The following UBXN2A variants were observed in gnomAD, a reference collection of about 807,000 sequenced individuals.
UBXN2A encodes UBX domain protein 2A.
In UBXN2A, 28 loss-of-function variants were observed where a neutral mutation model predicts 28.4. That is an observed-to-expected ratio of 0.99 (90% CI 0.73 to 1.35). The LOEUF is 1.35. UBXN2A is among the 40% of genes most tolerant of loss of function. The pLI, the probability that UBXN2A is intolerant of heterozygous loss-of-function variation, is 0.00. For synonymous variants in UBXN2A, 97 were observed against 103.6 expected, an observed-to-expected ratio of 0.94 and a Z score of 0.39; for missense variants, 253 against 297.9, an observed-to-expected ratio of 0.85 and a Z score of 1.11.
intron 1 of UBXN2A, among the ~76,000 whole-genome samples, chr2:23,954,333 A>C (rs1706512719): frequency 6.6e-6 from 1 of 152,186 alleles, no homozygotes; most frequent in African/African-American, 2.4e-5. Flanking sequence ...CATCCATGTT[A>C]TAGTATGTAT....
At chr2:23,974,016 A>ATTT (rs71395170) in intron 3 of UBXN2A, among the ~76,000 whole-genome samples, 13,539 of 140,322 alleles carry the variant, frequency 0.096, 758 homozygotes, top group Middle Eastern at 0.17. Flanking sequence ...AAAATGATTA[A>ATTT]TTTTTTTTTT....
At chr2:23,969,805 A>G (rs1707335486) in intron 2 of UBXN2A, among the ~76,000 whole-genome samples, 1 of 152,158 alleles carries the variant, frequency 6.6e-6, no homozygotes, top group African/African-American at 2.4e-5. Flanking sequence ...GGGTGACAGA[A>G]TGAGACTCTG....
chr2:23,961,448 G>A (rs190396126), intron 2 of UBXN2A, among the ~76,000 whole-genome samples: 39 of 150,430 alleles, frequency 2.6e-4, no homozygotes, highest in African/African-American at 8.8e-4. Flanking sequence ...AAATATTGGT[G>A]ATAGTTTATA....
chr2:23,950,427 G>A lies in UBXN2A; in HGVS notation c.-14-7874G>A, dbSNP rs151237927. Among the ~76,000 whole-genome samples, 342 of 151,752 alleles carry A rather than the reference G, an allele frequency of 2.3e-3. 2 individuals carry two copies. The highest frequency in any genetic ancestry group is 7.9e-3 in the African/African-American group (328 of 41,398). Reference sequence around the variant, plus strand: ...TTATTATTATTACTGTTTTTGAGACGGATTCTCGCTCTGTTGTCCACGCTG... The same window carrying A: ...TTATTATTATTACTGTTTTTGAGACAGATTCTCGCTCTGTTGTCCACGCTG... On this transcript the variant is annotated intron_variant, in intron 1 of 6. Coordinates refer to ENST00000309033, the MANE Select transcript of UBXN2A (RefSeq NM_181713.4).
intron 6 of UBXN2A, among the ~76,000 whole-genome samples, chr2:23,995,750 A>G (rs1708506895): frequency 6.6e-6 from 1 of 151,918 alleles, no homozygotes; most frequent in African/African-American, 2.4e-5. Flanking sequence ...TGATGAACCC[A>G]TTGTAAAGTT....
rs760269453 is a variant in UBXN2A, at chr2:23,977,065, A to T, written c.277A>T (p.Ile93Phe). 6.2e-7 allele frequency: 1 copy of T among 1,611,846 alleles called. No homozygotes were observed. Among genetic ancestry groups the T allele is most frequent in the East Asian group, 2.2e-5 (1 of 44,822 alleles). Residue 93 changes from isoleucine (I) to phenylalanine (F), a missense_variant, in exon 4 of 7, where the codon ATC (isoleucine) becomes TTC (phenylalanine). Physicochemically the swap from Ile to Phe is conservative, Grantham distance 21. Transcript: ENST00000309033. The stretch of plus-strand genomic sequence containing the variant: ...TGCCAGTCAGCAGTTTTTGAACTCC[A>T]TCAAAAAGGGGTGAGTAGCCAGGTG... ...DGASQQFLNS[I>F]KKGELPSELQ...
Position 23,971,351 on chromosome 2 carries a change from C to A in UBXN2A, c.117C>A (p.Ser39Arg), listed in dbSNP as rs772402445. ...QQSNCEYFVD[S>R]LFEEAQKVSS... ...CAAATTGTGAATATTTTGTTGATAG[C>A]CTTTTTGAGGAAGCTCAGAAGGTTA... is the stretch of plus-strand genomic sequence containing the variant. The change falls in exon 3 of 7, where the codon AGC (serine) becomes AGA (arginine). Residue 39 changes from serine (S) to arginine (R), a missense_variant. Coordinates refer to ENST00000309033, the MANE Select transcript of UBXN2A (RefSeq NM_181713.4). The A allele has an allele frequency of 1.3e-6, 2 of 1,576,022 alleles. No homozygotes were observed. The highest frequency in any genetic ancestry group is 1.3e-5 in the African/African-American group (1 of 74,644).
At chr2:23,984,981 A>G (rs896310840) in intron 6 of UBXN2A, 150 bp downstream of exon 6, 19 of 742,232 alleles carry the variant, frequency 2.6e-5, no homozygotes, top group Non-Finnish European at 3.9e-6. Context: ...AGCTCACTGC[A>G]GTCTTGAAGT....
chr2:23,971,368 A>G lies in UBXN2A; in HGVS notation c.134A>G (p.Gln45Arg). 2 of 1,577,890 alleles carry G rather than the reference A, an allele frequency of 1.3e-6. No individual in the cohort carries two copies. The highest frequency in any genetic ancestry group is 8.7e-7 in the Non-Finnish European group (1 of 1,153,278). Residue 45 changes from glutamine to arginine, a missense_variant, in exon 3 of 7, where the codon CAG becomes CGG. Transcript: ENST00000309033. Reference sequence around the variant, plus strand: ...GTTGATAGCCTTTTTGAGGAAGCTCAGAAGGTTAGTTCCAAATGTGTGTCT... The same window carrying G: ...GTTGATAGCCTTTTTGAGGAAGCTCGGAAGGTTAGTTCCAAATGTGTGTCT... ...YFVDSLFEEA[Q>R]KVSSKCVSPA...
At chr2:23,993,234 C>G (rs1015092693) in intron 6 of UBXN2A, among the ~76,000 whole-genome samples, 3 of 152,054 alleles carry the variant, frequency 2.0e-5, no homozygotes, top group African/African-American at 7.2e-5. Flanking sequence ...TTATTCTGGC[C>G]CAAGCTTATT....
At chr2:23,948,225 T>C (rs1277689826) in intron 1 of UBXN2A, among the ~76,000 whole-genome samples, 3 of 151,562 alleles carry the variant, frequency 2.0e-5, no homozygotes, top group Admixed American at 2.0e-4. Context: ...CTTTTTAGAT[T>C]AAGTCTGAAG....
intron 6 of UBXN2A, among the ~76,000 whole-genome samples, chr2:23,992,541 T>C (rs927326512): frequency 6.6e-6 from 1 of 152,226 alleles, no homozygotes; most frequent in Non-Finnish European, 1.5e-5. Flanking sequence ...TTTTATGACC[T>C]ACTTCAGAGG....
At position 24,003,743 on chromosome 2, in the gene UBXN2A, A is replaced by G. The variant is rs1188884957; in HGVS notation, c.*3876A>G. Reference sequence around the variant, plus strand: ...TCTTACCAAAAAAAAAAAAAAAAAAAAGAGGCAATGATAAAATCAATGAGC... The same window carrying G: ...TCTTACCAAAAAAAAAAAAAAAAAAGAGAGGCAATGATAAAATCAATGAGC... On this transcript the variant is annotated 3_prime_UTR_variant, in exon 7 of 7. Coordinates refer to ENST00000309033, the MANE Select transcript of UBXN2A (RefSeq NM_181713.4). The G allele has an allele frequency of 6.7e-6, 1 of 149,058 alleles. No individual in the cohort carries two copies. The highest frequency in any genetic ancestry group is 6.7e-5 in the Admixed American group (1 of 15,020). 9.2% of individuals were successfully genotyped at this position (149,058 alleles called of 1,614,324 possible).
At chr2:23,985,272 G>A (rs181072491) in intron 6 of UBXN2A, among the ~76,000 whole-genome samples, 29 of 150,454 alleles carry the variant, frequency 1.9e-4, no homozygotes, top group Non-Finnish European at 3.4e-4. Context: ...TTTTTGAGTC[G>A]GAGTCTCGCT....
chr2:23,990,576 C>T (rs867063317), intron 6 of UBXN2A, among the ~76,000 whole-genome samples: 2 of 151,610 alleles, frequency 1.3e-5, no homozygotes, highest in African/African-American at 2.4e-5. Flanking sequence ...AAGTTCAAGA[C>T]CAACCTGGCC....
intron 1 of UBXN2A, among the ~76,000 whole-genome samples, chr2:23,934,178 T>C (rs1705457703): frequency 2.0e-5 from 3 of 152,018 alleles, no homozygotes; most frequent in Non-Finnish European, 2.9e-5. Flanking sequence ...ACCACTGCAC[T>C]CCAGCCTGGG....
intron 4 of UBXN2A, among the ~76,000 whole-genome samples, chr2:23,981,002 C>G (rs1285350626): frequency 6.6e-6 from 1 of 151,992 alleles, no homozygotes; most frequent in African/African-American, 2.4e-5. Flanking sequence ...AATACAAATT[C>G]CTTATCAGAT....
At chr2:23,952,865 C>T (rs1318965777) in intron 1 of UBXN2A, among the ~76,000 whole-genome samples, 1 of 151,990 alleles carries the variant, frequency 6.6e-6, no homozygotes, top group East Asian at 1.9e-4. Flanking sequence ...AGGTGTGAGC[C>T]ACCATGCCTG....
At chr2:23,945,404 T>G (rs1363800713) in intron 1 of UBXN2A, among the ~76,000 whole-genome samples, 1 of 152,242 alleles carries the variant, frequency 6.6e-6, no homozygotes, top group Non-Finnish European at 1.5e-5. Flanking sequence ...TCACTTAGTA[T>G]ATAGTAAACC....
Sources: allele counts gnomAD v4.1 joint callset (sites outside exome capture counted in the v4.1 genomes callset), GRCh38; gene constraint gnomAD v4.1.1; transcripts MANE v1.5; gene names NCBI Gene and HGNC (gene_info 2026-07-23, HGNC 2026-07-21).